VIPR2: variants seen among roughly 807,000 people sequenced by gnomAD.
VIPR2 encodes vasoactive intestinal peptide receptor 2, also known as vasoactive intestinal polypeptide receptor 2.
A neutral mutation model predicts 58.0 loss-of-function variants in VIPR2; 48 were observed. The observed-to-expected ratio is 0.83, with a 90% CI of 0.66 to 1.05. The LOEUF (loss-of-function observed/expected upper bound fraction) is 1.05. Among genes scored for constraint, VIPR2 ranks in the 50% least tolerant of loss-of-function variants. VIPR2 has a pLI of 0.00. For synonymous variants in VIPR2, 243 were observed against 235.2 expected (o/e 1.03, Z -0.30); for missense variants, 534 against 558.0 (o/e 0.96, Z 0.43).
rs59565673 is a variant in VIPR2 at position 159,044,590 on chromosome 7, CAA to C, written c.456-1416_456-1415del. On this transcript the variant is annotated intron_variant, in intron 5 of 12. Coordinates refer to ENST00000262178, the MANE Select transcript of VIPR2 (RefSeq NM_003382.5). ...GTGTCTTAAATATGCTTAAAGAGTG[CAA>C]AAAAAAAAAAACCTAAAACAAAAAA... Among the ~76,000 whole-genome samples, 856 of 142,150 alleles carry C rather than the reference CAA, an allele frequency of 6.0e-3. 10 individuals carry two copies. The highest frequency in any genetic ancestry group is 0.018 in the African/African-American group (683 of 38,588). 93.3% of individuals were successfully genotyped at this position (142,150 alleles called of 152,430 possible). A position where few individuals can be genotyped will look rare whatever the true frequency, so the allele number is the denominator to read the frequency against.
chr7:159,134,758 C>T (rs1019500300), intron 2 of VIPR2, among the ~76,000 whole-genome samples: 10 of 151,656 alleles, frequency 6.6e-5, no homozygotes, highest in African/African-American at 1.9e-4. Context: ...CCTGGGTTCA[C>T]GCCATTCTCC....
In VIPR2 at chr7:159,097,296, G is replaced by T; in HGVS notation, c.357+6461C>A. 7.5e-7 allele frequency: 1 copy of T among 1,329,096 alleles called. No homozygotes were observed. Among genetic ancestry groups the T allele is most frequent in the Non-Finnish European group, 9.6e-7 (1 of 1,037,394 alleles). 82.3% of individuals were successfully genotyped at this position (1,329,096 alleles called of 1,614,324 possible). A position where few individuals can be genotyped will look rare whatever the true frequency, so the allele number is the denominator to read the frequency against. ...GGATGTGGCGTAACACGGAAGAAAT[G>T]TGTGCACTTGAAGCATGGGGAGGCC... On this transcript the variant is annotated intron_variant, in intron 4 of 12. Transcript: ENST00000262178. This position sits in a 1 kb window ranked among gnomAD's most constrained non-coding sequence, Gnocchi z 5.3.
At position 159,127,429 on chromosome 7, in the gene VIPR2, A is replaced by G. The variant is rs1796696123; in HGVS notation, c.151+15017T>C. Among the ~76,000 whole-genome samples the G allele has an allele frequency of 6.6e-6, 1 of 152,186 alleles. No individual in the cohort carries two copies. The highest frequency in any genetic ancestry group is 2.4e-5 in the African/African-American group (1 of 41,450). On this transcript the variant is annotated intron_variant, in intron 2 of 12. Transcript: ENST00000262178. The surrounding 1 kb of genome is among the most constrained non-coding windows in gnomAD (Gnocchi z 4.6). ...CCAAAACTATTAAATGAACAAGAGGATTTTTCAAAGTAACGTTTATAGGTC... is the reference window on the plus strand; with the variant it reads ...CCAAAACTATTAAATGAACAAGAGGGTTTTTCAAAGTAACGTTTATAGGTC...
At chr7:159,129,148 C>A (rs1796776704) in intron 2 of VIPR2, among the ~76,000 whole-genome samples, 1 of 95,722 alleles carries the variant, frequency 1.0e-5, no homozygotes. Flanking sequence ...CTGGGGGGGA[C>A]AGGGCTGGGG....
rs141050302 is a variant in VIPR2, at chr7:159,095,219, G to C, written c.357+8538C>G. 6.6e-6 allele frequency among the ~76,000 whole-genome samples: 1 copy of C among 152,322 alleles called. No homozygotes were observed. Among genetic ancestry groups the C allele is most frequent in the Non-Finnish European group, 1.5e-5 (1 of 68,036 alleles). On this transcript the variant is annotated intron_variant, in intron 4 of 12. Coordinates refer to ENST00000262178, the MANE Select transcript of VIPR2 (RefSeq NM_003382.5). This position sits in a 1 kb window ranked among gnomAD's most constrained non-coding sequence, Gnocchi z 5.2. ...CATATGACAGCATTAGTGAAAATGGGACATTTCCTAAATTTGATGACACTA... is the reference window on the plus strand; with the variant it reads ...CATATGACAGCATTAGTGAAAATGGCACATTTCCTAAATTTGATGACACTA...
chr7:159,106,660 G>C (rs1237327722), intron 3 of VIPR2, among the ~76,000 whole-genome samples: 4 of 138,138 alleles, frequency 2.9e-5, no homozygotes, highest in African/African-American at 5.5e-5. Context: ...GAGAGGCCAG[G>C]GAGGGGCAGA....
At chr7:159,075,876 G>A (rs1302392572) in intron 4 of VIPR2, among the ~76,000 whole-genome samples, 2 of 152,218 alleles carry the variant, frequency 1.3e-5, no homozygotes, top group African/African-American at 4.8e-5. Flanking sequence ...CTGCATCAGC[G>A]AGTAGCCCAG....
intron 4 of VIPR2, among the ~76,000 whole-genome samples, chr7:159,072,665 C>T (rs930190415): frequency 6.6e-6 from 1 of 152,144 alleles, no homozygotes; most frequent in African/African-American, 2.4e-5. Context: ...TGATGTATAT[C>T]CAAAATGCCC....
chr7:159,033,574 CTG>C (rs1189046360), intron 10 of VIPR2, among the ~76,000 whole-genome samples: 1 of 152,112 alleles, frequency 6.6e-6, no homozygotes, highest in Non-Finnish European at 1.5e-5. Flanking sequence ...AGCTGGATGA[CTG>C]GGGGTGACTG....
chr7:159,106,421 G>GAGAGAGGCCAGGGAGGGGC (rs1200583637), intron 3 of VIPR2, among the ~76,000 whole-genome samples: 10 of 150,104 alleles, frequency 6.7e-5, no homozygotes, highest in Non-Finnish European at 8.9e-5. Context: ...GGGAGGGGCA[G>GAGAGAGGCCAGGGAGGGGC]AGAGAGGCCA....
At chr7:159,039,151 T>A (rs1854161694) in intron 6 of VIPR2, among the ~76,000 whole-genome samples, 1 of 152,142 alleles carries the variant, frequency 6.6e-6, no homozygotes, top group Non-Finnish European at 1.5e-5. Flanking sequence ...CAAAACAGAT[T>A]TACTACAATT....
intron 2 of VIPR2, among the ~76,000 whole-genome samples, chr7:159,132,470 G>T (rs1428329909): frequency 2.6e-5 from 4 of 151,976 alleles, no homozygotes; most frequent in African/African-American, 9.7e-5. Context: ...TCCAGTCGGA[G>T]GCCTCAGGTA....
intron 2 of VIPR2, among the ~76,000 whole-genome samples, chr7:159,111,877 A>G (rs1796018087): frequency 6.6e-6 from 1 of 152,050 alleles, no homozygotes; most frequent in African/African-American, 2.4e-5. Context: ...TGGAGGTAAC[A>G]GAGCATGCCT....
intron 5 of VIPR2, among the ~76,000 whole-genome samples, chr7:159,053,591 GAGTGC>G (rs1563276255): frequency 6.6e-6 from 1 of 152,148 alleles, no homozygotes; most frequent in Non-Finnish European, 1.5e-5. Context: ...GCCCAGGCTG[GAGTGC>G]AGTGGTGTGA....
intron 5 of VIPR2, among the ~76,000 whole-genome samples, chr7:159,044,923 G>A (rs530763705): frequency 1.1e-3 from 167 of 152,146 alleles, no homozygotes; most frequent in Middle Eastern, 3.4e-3. Flanking sequence ...CTGCCACCAT[G>A]ACCAGCTAAT....
chr7:159,088,255 T>C (rs1857291836), intron 4 of VIPR2, among the ~76,000 whole-genome samples: 1 of 152,200 alleles, frequency 6.6e-6, no homozygotes, highest in Admixed American at 6.5e-5. Flanking sequence ...ACACACATGC[T>C]GCAGCACAGC....
At chr7:159,082,501 G>T (rs1453793937) in intron 4 of VIPR2, among the ~76,000 whole-genome samples, 1 of 152,172 alleles carries the variant, frequency 6.6e-6, no homozygotes, top group Non-Finnish European at 1.5e-5. Context: ...ATAGCATTAG[G>T]AGATATACCA....
chr7:159,032,162 G>GAGCCCCTCCCACACCCA, intron 10 of VIPR2, 95 bp from the exon 11 acceptor site: 1 of 1,537,368 alleles, frequency 6.5e-7, no homozygotes, highest in Non-Finnish European at 8.8e-7. Context: ...GCTGGGTGTG[G>GAGCCCCTCCCACACCCA]GAGGGGCTCC....
In VIPR2 at chr7:159,036,827, G is replaced by A. The variant is rs1480769195; in HGVS notation, c.673C>T (p.Leu225Phe). ...ANFFWLLVEG[L>F]YLHTLLVAML... ...GCCACCAGGAGGGTGTGGAGGTAGA[G>A]CCCCTCCACCAGCAGCCAGAAGAAG... Residue 225 changes from leucine (L) to phenylalanine (F), a missense_variant, in exon 7 of 13, where the codon CTC (leucine) becomes TTC (phenylalanine). Physicochemically the swap from Leu to Phe is conservative, Grantham distance 22. This residue lies in a region of VIPR2 where 306 missense variants were observed against 285.8 expected (regional missense o/e 1.07). Transcript: ENST00000262178. 1 of 1,613,952 alleles carries A rather than the reference G, an allele frequency of 6.2e-7. No homozygotes were observed. Among genetic ancestry groups the A allele is most frequent in the South Asian group, 1.1e-5 (1 of 91,070 alleles).
Sources: gnomAD v4.1 joint callset for allele counts (sites outside exome capture counted in the v4.1 genomes callset) on GRCh38, gnomAD v4.1.1 for gene constraint, gnomAD v4.1.1 regional missense constraint, Gnocchi (gnomAD v3.1) non-coding constraint, MANE v1.5 for transcripts, NCBI Gene and HGNC (gene_info 2026-07-23, HGNC 2026-07-21) for gene names.